Variants in SLC44A1 observed in about 807,000 individuals in gnomAD.
SLC44A1 encodes choline transporter-like protein 1.
A neutral mutation model predicts 79.3 loss-of-function variants in SLC44A1; 26 were observed. That is an observed-to-expected ratio of 0.33 (90% CI 0.24 to 0.46). The LOEUF is 0.46. SLC44A1 is among the 20% of genes least tolerant of loss of function. The pLI is 1.00. For synonymous variants in SLC44A1, 263 were observed against 286.2 expected (o/e 0.92, Z 0.82); for missense variants, 688 against 798.1 (o/e 0.86, Z 1.66).
At chr9:105,333,450 C>T (rs1464492139) in intron 3 of SLC44A1, among the ~76,000 whole-genome samples, 1 of 152,034 alleles carries the variant, frequency 6.6e-6, no homozygotes, top group Non-Finnish European at 1.5e-5. Context: ...GTGTTTAATA[C>T]GGTGTCTGAT....
chr9:105,396,641 C>T lies in SLC44A1; in HGVS notation c.*7585C>T, dbSNP rs1421748655. 2 of 985,082 alleles carry T rather than the reference C, an allele frequency of 2.0e-6. No homozygotes were observed. The highest frequency in any genetic ancestry group is 3.5e-5 in the African/African-American group (2 of 57,144). 61.0% of individuals were successfully genotyped at this position (985,082 alleles called of 1,614,324 possible). ...GAGCAGAAAACACACATCGGTGTGT[C>T]TTGATTTCTCGCAGCTGTGTAATGT... On this transcript the variant is annotated 3_prime_UTR_variant, in exon 16 of 16. Transcript: ENST00000374720.
Position 105,391,702 on chromosome 9 carries a change from T to C in SLC44A1, c.*2646T>C. On this transcript the variant is annotated 3_prime_UTR_variant, in exon 16 of 16. Transcript: ENST00000374720. Reference sequence around the variant, plus strand: ...TTTCAAGTCATTCTTCAGCTAGCTATGGGCTGCCTTATTGCTATTCGCTCA... The same window carrying C: ...TTTCAAGTCATTCTTCAGCTAGCTACGGGCTGCCTTATTGCTATTCGCTCA... 1 of 985,394 alleles carries C rather than the reference T, an allele frequency of 1.0e-6. No individual in the cohort carries two copies. The highest frequency in any genetic ancestry group is 1.2e-6 in the Non-Finnish European group (1 of 829,904). 61.0% of individuals were successfully genotyped at this position (985,394 alleles called of 1,614,324 possible).
At chr9:105,339,203 A>C (rs2131365835) in intron 4 of SLC44A1, among the ~76,000 whole-genome samples, 1 of 152,312 alleles carries the variant, frequency 6.6e-6, no homozygotes, top group Admixed American at 6.5e-5. Flanking sequence ...GTAAGCAGTT[A>C]ATATCTAGAC....
chr9:105,391,236 C>A lies in SLC44A1; in HGVS notation c.*2180C>A, dbSNP rs778388844. 29 of 985,664 alleles carry A rather than the reference C, an allele frequency of 2.9e-5. No homozygotes were observed. The highest frequency in any genetic ancestry group is 3.4e-5 in the Non-Finnish European group (28 of 829,898). 61.1% of individuals were successfully genotyped at this position (985,664 alleles called of 1,614,324 possible). A position where few individuals can be genotyped will look rare whatever the true frequency, so the allele number is the denominator to read the frequency against. On this transcript the variant is annotated 3_prime_UTR_variant, in exon 16 of 16. Transcript: ENST00000374720. Reference sequence around the variant, plus strand: ...TCATGGACTGTTGCTGCTCCCTGTTCCATATGCTCGCAATCTCAGCTATTT... The same window carrying A: ...TCATGGACTGTTGCTGCTCCCTGTTACATATGCTCGCAATCTCAGCTATTT...
downstream of SLC44A1, among the ~76,000 whole-genome samples, chr9:105,398,964 C>A (rs183345909): frequency 2.4e-4 from 37 of 152,280 alleles, no homozygotes; most frequent in Non-Finnish European, 4.1e-4. Flanking sequence ...CACAAAAAAT[C>A]TTTTTAAAAA....
At chr9:105,300,902 A>G (rs960835562) in intron 2 of SLC44A1, among the ~76,000 whole-genome samples, 13 of 151,882 alleles carry the variant, frequency 8.6e-5, no homozygotes, top group African/African-American at 3.1e-4. Flanking sequence ...CAGCCTCCCA[A>G]GTAGCTGGGA....
intron 15 of SLC44A1, among the ~76,000 whole-genome samples, chr9:105,416,697 G>A (rs948362990): frequency 2.6e-5 from 4 of 152,236 alleles, no homozygotes; most frequent in African/African-American, 7.2e-5. Context: ...GGCTGGAAAT[G>A]ATAAGAGATG....
chr9:105,344,792 A>C (rs1448083124), intron 4 of SLC44A1, among the ~76,000 whole-genome samples: 1 of 152,158 alleles, frequency 6.6e-6, no homozygotes, highest in African/African-American at 2.4e-5. Flanking sequence ...ATATAAACAA[A>C]AAATTACAAA....
chr9:105,301,517 C>G (rs1830879421), intron 2 of SLC44A1, among the ~76,000 whole-genome samples: 1 of 152,296 alleles, frequency 6.6e-6, no homozygotes, highest in African/African-American at 2.4e-5. Flanking sequence ...AGAGATTCAG[C>G]ATTTTTTGGC....
At chr9:105,291,917 A>G (rs141843919) in intron 1 of SLC44A1, among the ~76,000 whole-genome samples, 2 of 152,194 alleles carry the variant, frequency 1.3e-5, no homozygotes, top group African/African-American at 4.8e-5. Flanking sequence ...TCTAAGCTTC[A>G]GTACTTTGTT....
chr9:105,358,384 A>G lies in SLC44A1; in HGVS notation c.711A>G (p.Ser237=). Residue 237 remains serine (S), a synonymous_variant, in exon 7 of 16, where the codon TCA becomes TCG. Transcript: ENST00000374720. ...TGATGGTGATAATCAGGTATATATC[A>G]AGAGTACTTGTGTGGATCTTAACGA... ...MILMVIIRYI[S]RVLVWILTIL... The G allele has an allele frequency of 6.2e-7, 1 of 1,600,478 alleles. No individual in the cohort carries two copies. Among genetic ancestry groups the G allele is most frequent in the Non-Finnish European group, 8.6e-7 (1 of 1,167,762 alleles).
At chr9:105,353,411 T>A (rs923972545) in intron 5 of SLC44A1, among the ~76,000 whole-genome samples, 6 of 150,772 alleles carry the variant, frequency 4.0e-5, no homozygotes, top group African/African-American at 1.5e-4. Context: ...AAATCATCTA[T>A]TATCATCCTA....
At chr9:105,360,791 C>A (rs10991641) in intron 7 of SLC44A1, among the ~76,000 whole-genome samples, 2 of 152,150 alleles carry the variant, frequency 1.3e-5, no homozygotes, top group African/African-American at 2.4e-5. Context: ...AAGATCCTTG[C>A]CCTCTTTAAG....
In SLC44A1 at chr9:105,391,665, T is replaced by A. The variant is rs186814915; in HGVS notation, c.*2609T>A. 2.0e-6 allele frequency: 2 copies of A among 985,424 alleles called. No individual in the cohort carries two copies. Among genetic ancestry groups the A allele is most frequent in the Non-Finnish European group, 2.4e-6 (2 of 829,932 alleles). The allele number at this position is 985,424 out of a possible 1,614,324, so 61.0% of individuals were successfully genotyped here. A position where few individuals can be genotyped will look rare whatever the true frequency, so the allele number is the denominator to read the frequency against. On this transcript the variant is annotated 3_prime_UTR_variant, in exon 16 of 16. Coordinates refer to ENST00000374720, the MANE Select transcript of SLC44A1 (RefSeq NM_080546.5). ...GTTATGTTTGGATATTCCTGCTGCCTCTTTTCATTCATTTCAAGTCATTCT... is the reference window on the plus strand; with the variant it reads ...GTTATGTTTGGATATTCCTGCTGCCACTTTTCATTCATTTCAAGTCATTCT...
At chr9:105,283,878 G>A (rs189385798) in intron 1 of SLC44A1, among the ~76,000 whole-genome samples, 14 of 152,194 alleles carry the variant, frequency 9.2e-5, no homozygotes, top group Admixed American at 2.0e-4. Context: ...CACTCCACTT[G>A]TCAACCTGTG....
intron 1 of SLC44A1, among the ~76,000 whole-genome samples, chr9:105,256,737 ATTATTTTTATT>A (rs952124755): frequency 2.5e-5 from 3 of 119,850 alleles, no homozygotes; most frequent in African/African-American, 9.0e-5. Flanking sequence ...TAATTTTTGT[ATTATTTTTATT>A]TTATTTTATT....
At chr9:105,397,452 G>A, downstream of SLC44A1, 4 of 682,536 alleles carry the variant, frequency 5.9e-6, no homozygotes, top group Non-Finnish European at 7.2e-6. Context: ...CTGCAAGGGT[G>A]CCCCAGAATT....
At chr9:105,360,445 C>G (rs1827746843) in intron 7 of SLC44A1, among the ~76,000 whole-genome samples, 1 of 151,994 alleles carries the variant, frequency 6.6e-6, no homozygotes, top group South Asian at 2.1e-4. Context: ...AGAGTAAGAA[C>G]TTGGCTTTGT....
At chr9:105,257,105 G>A (rs1319600739) in intron 1 of SLC44A1, among the ~76,000 whole-genome samples, 1 of 149,978 alleles carries the variant, frequency 6.7e-6, no homozygotes. Context: ...TTTTGTTTTT[G>A]TTTTCTTTGA....
Sources: allele counts gnomAD v4.1 joint callset (sites outside exome capture counted in the v4.1 genomes callset), GRCh38; gene constraint gnomAD v4.1.1; transcripts MANE v1.5; gene names NCBI Gene and HGNC (gene_info 2026-07-23, HGNC 2026-07-21).